Variants in PBX3 observed in about 807,000 individuals in gnomAD.
PBX3 encodes PBX homeobox 3, also known as pre-B-cell leukemia transcription factor 3.
A neutral mutation model predicts 48.5 loss-of-function variants in PBX3; 14 were observed. The ratio of observed to expected loss-of-function variants is 0.29; its 90% CI spans 0.19 to 0.45. The LOEUF is 0.45. PBX3 is among the 20% of genes least tolerant of loss of function. The pLI is 1.00. For missense variants in PBX3, 386 were observed against 546.7 expected (o/e 0.71, Z 2.93); for synonymous variants, 210 against 200.3 (o/e 1.05, Z -0.41).
intron 2 of PBX3, among the ~76,000 whole-genome samples, chr9:125,854,357 ACTC>A (rs1839665225): frequency 6.7e-6 from 1 of 150,322 alleles, no homozygotes; most frequent in Non-Finnish European, 1.5e-5. Context: ...CTGGTCTTGA[ACTC>A]CTGAGCTCAA....
chr9:125,847,102 T>C (rs767170255), intron 2 of PBX3, among the ~76,000 whole-genome samples: 2 of 152,014 alleles, frequency 1.3e-5, no homozygotes, highest in Non-Finnish European at 2.9e-5. Flanking sequence ...CTGGAAGAAT[T>C]GCTTCATAGG....
At chr9:125,947,011 A>G (rs1842078956) in intron 5 of PBX3, among the ~76,000 whole-genome samples, 1 of 152,198 alleles carries the variant, frequency 6.6e-6, no homozygotes, top group Non-Finnish European at 1.5e-5. Flanking sequence ...ATAAAGACAT[A>G]ATACAATGGA....
At chr9:125,926,960 T>C (rs929786100) in intron 3 of PBX3, among the ~76,000 whole-genome samples, 2 of 152,240 alleles carry the variant, frequency 1.3e-5, no homozygotes, top group Admixed American at 1.3e-4. Flanking sequence ...TGTCATATCC[T>C]GGGACAATGA....
At chr9:125,776,863 T>G (rs1389388819) in intron 2 of PBX3, among the ~76,000 whole-genome samples, 1 of 152,160 alleles carries the variant, frequency 6.6e-6, no homozygotes, top group African/African-American at 2.4e-5. Context: ...TTAATATTAC[T>G]TTCATCATGG....
At chr9:125,830,427 T>C (rs1838926411) in intron 2 of PBX3, among the ~76,000 whole-genome samples, 1 of 152,136 alleles carries the variant, frequency 6.6e-6, no homozygotes, top group Admixed American at 6.5e-5. Flanking sequence ...ACATTGGTGA[T>C]AGTAATGTTT....
chr9:125,790,545 T>A (rs1446297636), intron 2 of PBX3, among the ~76,000 whole-genome samples: 5 of 151,686 alleles, frequency 3.3e-5, no homozygotes, highest in African/African-American at 1.2e-4. Context: ...TGAGCCACCG[T>A]GCCTGGCCAA....
intron 2 of PBX3, among the ~76,000 whole-genome samples, chr9:125,774,757 T>C (rs1837027020): frequency 6.6e-6 from 1 of 152,180 alleles, no homozygotes. Flanking sequence ...TCTTTTGGTG[T>C]ACAGCTAGGA....
At chr9:125,954,012 A>G (rs1450134946) in intron 5 of PBX3, among the ~76,000 whole-genome samples, 3 of 152,240 alleles carry the variant, frequency 2.0e-5, no homozygotes, top group East Asian at 1.9e-4. Context: ...TGCCCCAGAA[A>G]GTGGCTGTGA....
At chr9:125,843,922 A>T in intron 2 of PBX3, 1 of 337,184 alleles carries the variant, frequency 3.0e-6, no homozygotes, top group Middle Eastern at 3.8e-4. Context: ...ATGAGGTGAG[A>T]TTGAAGTGAA....
At chr9:125,887,515 G>A (rs1385972427) in intron 2 of PBX3, among the ~76,000 whole-genome samples, 3 of 152,156 alleles carry the variant, frequency 2.0e-5, no homozygotes, top group African/African-American at 7.2e-5. Context: ...TTTTGAAGCT[G>A]TTTTTTAACT....
chr9:125,838,480 C>G (rs1839201401), intron 2 of PBX3, among the ~76,000 whole-genome samples: 1 of 152,192 alleles, frequency 6.6e-6, no homozygotes, highest in Admixed American at 6.5e-5. Flanking sequence ...CTTTTAGCTC[C>G]TTGGTATCCA....
At chr9:125,808,095 A>G (rs987677968) in intron 2 of PBX3, among the ~76,000 whole-genome samples, 2 of 152,206 alleles carry the variant, frequency 1.3e-5, no homozygotes, top group African/African-American at 4.8e-5. Context: ...GACCTTCAAG[A>G]CAAACTAGGA....
chr9:125,919,164 T>C (rs918603949), intron 3 of PBX3, among the ~76,000 whole-genome samples: 1 of 152,076 alleles, frequency 6.6e-6, no homozygotes, highest in Admixed American at 6.6e-5. Flanking sequence ...GATTTTCCCA[T>C]GTTGGATTGC....
chr9:125,832,272 T>C (rs1588196606), intron 2 of PBX3, among the ~76,000 whole-genome samples: 1 of 152,080 alleles, frequency 6.6e-6, no homozygotes, highest in East Asian at 1.9e-4. Context: ...CTCGGCTGAC[T>C]GCAAGCTCTG....
chr9:125,776,360 G>A (rs149525342), intron 2 of PBX3, among the ~76,000 whole-genome samples: 1 of 151,740 alleles, frequency 6.6e-6, no homozygotes, highest in Admixed American at 6.6e-5. Flanking sequence ...TTTGTGTGTT[G>A]AACCACTCTT....
At chr9:125,795,004 C>G (rs978560655) in intron 2 of PBX3, among the ~76,000 whole-genome samples, 1 of 152,218 alleles carries the variant, frequency 6.6e-6, no homozygotes, top group South Asian at 2.1e-4. Context: ...TCCGGCAGAC[C>G]AGCCTTTTAC....
intron 2 of PBX3, among the ~76,000 whole-genome samples, chr9:125,892,653 T>C (rs1255653817): frequency 6.6e-6 from 1 of 152,192 alleles, no homozygotes; most frequent in African/African-American, 2.4e-5. Flanking sequence ...AAAATATGCA[T>C]TTGGGCTTCT....
intron 2 of PBX3, among the ~76,000 whole-genome samples, chr9:125,830,086 T>G (rs942184419): frequency 1.3e-5 from 2 of 152,190 alleles, no homozygotes; most frequent in Non-Finnish European, 2.9e-5. Context: ...AAGGAAAAAT[T>G]TATCAGTTGT....
chr9:125,781,394 C>T (rs1238290446), intron 2 of PBX3, among the ~76,000 whole-genome samples: 3 of 151,656 alleles, frequency 2.0e-5, no homozygotes, highest in African/African-American at 7.3e-5. Context: ...GTGGCGCGCG[C>T]CTGCAATCGC....
Sources: allele counts gnomAD v4.1 joint callset (sites outside exome capture counted in the v4.1 genomes callset), GRCh38; gene constraint gnomAD v4.1.1; transcripts MANE v1.5; gene names NCBI Gene and HGNC (gene_info 2026-07-23, HGNC 2026-07-21).